Variants in MEOX1 observed in about 807,000 individuals in gnomAD.
MEOX1 encodes mesenchyme homeobox 1.
A neutral mutation model predicts 23.2 loss-of-function variants in MEOX1; 17 were observed. The ratio of observed to expected loss-of-function variants is 0.73; its 90% CI spans 0.50 to 1.10. The LOEUF (loss-of-function observed/expected upper bound fraction) is 1.10, where lower values mean the gene tolerates loss of function less well. MEOX1 is among the 50% of genes least tolerant of loss of function. The pLI, the probability that MEOX1 is intolerant of heterozygous loss-of-function variation, is 0.00. For synonymous variants in MEOX1, 134 were observed against 135.1 expected (o/e 0.99, Z 0.06); for missense variants, 333 against 332.2 (o/e 1.00, Z -0.02).
chr17:43,660,346 C>T (rs1199565340), intron 1 of MEOX1, among the ~76,000 whole-genome samples: 1 of 152,232 alleles, frequency 6.6e-6, no homozygotes, highest in African/African-American at 2.4e-5. Context: ...CTGACTCTCT[C>T]AGAGGCTGCC....
Position 43,641,110 on chromosome 17 carries a change from A to T in MEOX1, c.*800T>A, listed in dbSNP as rs1015900505. The T allele has an allele frequency of 6.6e-6, 1 of 152,156 alleles. No individual in the cohort carries two copies. The highest frequency in any genetic ancestry group is 2.4e-5 in the African/African-American group (1 of 41,428). 9.4% of individuals were successfully genotyped at this position (152,156 alleles called of 1,614,324 possible). A position where few individuals can be genotyped will look rare whatever the true frequency, so the allele number is the denominator to read the frequency against. ...TAGCTGCTCCTTTTCTCTGGAGCACAGCCCAACAGCCCCTGCTGTATCCCT... is the reference window on the plus strand; with the variant it reads ...TAGCTGCTCCTTTTCTCTGGAGCACTGCCCAACAGCCCCTGCTGTATCCCT... On this transcript the variant is annotated 3_prime_UTR_variant, in exon 3 of 3. Transcript: ENST00000318579.
At chr17:43,646,871 C>T (rs544501195) in intron 1 of MEOX1, among the ~76,000 whole-genome samples, 20 of 152,154 alleles carry the variant, frequency 1.3e-4, no homozygotes, top group Non-Finnish European at 2.6e-4. Context: ...CCTGTAATCC[C>T]AGCTACTCGG....
intron 1 of MEOX1, among the ~76,000 whole-genome samples, chr17:43,654,834 C>T (rs1257426884): frequency 3.3e-5 from 5 of 152,012 alleles, no homozygotes; most frequent in African/African-American, 4.8e-5. Context: ...CAGTGGATCA[C>T]GAGGTCAGGA....
At position 43,661,223 on chromosome 17, in the gene MEOX1, C is replaced by T; in HGVS notation, c.312G>A (p.Arg104=). The T allele has an allele frequency of 6.2e-7, 1 of 1,609,240 alleles. No homozygotes were observed. Among genetic ancestry groups the T allele is most frequent in the Non-Finnish European group, 8.5e-7 (1 of 1,177,392 alleles). Residue 104 remains arginine (R), a synonymous_variant, in exon 1 of 3, where the codon AGG becomes AGA. Transcript: ENST00000318579. ...WHFPVSDARR[R]PNSGPAGGSK... The stretch of plus-strand genomic sequence containing the variant: ...AACCCCCTGCCGGGCCTGAGTTGGG[C>T]CTGCGCCGGGCGTCTGAGACAGGGA...
At chr17:43,649,813 C>A (rs991306250) in intron 1 of MEOX1, among the ~76,000 whole-genome samples, 2 of 152,336 alleles carry the variant, frequency 1.3e-5, no homozygotes, top group Admixed American at 1.3e-4. Context: ...CCCTGCATAG[C>A]CCTCACCCTC....
intron 1 of MEOX1, among the ~76,000 whole-genome samples, chr17:43,658,563 C>CA (rs1193211182): frequency 6.7e-6 from 1 of 149,248 alleles, no homozygotes. Context: ...AAAAGTAATG[C>CA]AAAAAATTGA....
chr17:43,643,574 G>C lies in MEOX1; in HGVS notation c.556C>G (p.Leu186Val), dbSNP rs566739870. ...TAFTKEQLRE[L>V]EAEFAHHNYL... is the part of the protein sequence containing the mutation. ...TTATGATGGGCAAACTCTGCCTCCA[G>C]CTCTCGCAGCTGCTCCTTGGTGAAG... The change falls in exon 2 of 3, where the codon CTG becomes GTG. Residue 186 changes from leucine to valine, a missense_variant. Physicochemically the swap from Leu to Val is conservative, Grantham distance 32 (BLOSUM62 1). Transcript: ENST00000318579. 6.2e-7 allele frequency: 1 copy of C among 1,612,772 alleles called. No homozygotes were observed. Among genetic ancestry groups the C allele is most frequent in the Non-Finnish European group, 8.5e-7 (1 of 1,179,606 alleles).
intron 1 of MEOX1, among the ~76,000 whole-genome samples, chr17:43,659,433 A>C (rs2154589045): frequency 6.6e-6 from 1 of 152,178 alleles, no homozygotes; most frequent in East Asian, 1.9e-4. Flanking sequence ...CCCATTGAAG[A>C]AGGGGCTTCT....
rs775637989 is a variant in MEOX1, at chr17:43,661,185, C to T, written c.350G>A (p.Gly117Glu). The T allele has an allele frequency of 6.2e-7, 1 of 1,605,380 alleles. No homozygotes were observed. The highest frequency in any genetic ancestry group is 8.5e-7 in the Non-Finnish European group (1 of 1,175,394). Residue 117 changes from glycine to glutamate, a missense_variant, in exon 1 of 3, where the codon GGG (glycine) becomes GAG (glutamate). Gly to Glu is a moderately conservative substitution (Grantham distance 98). Transcript: ENST00000318579. ...GTCCACCAGGCCCAGGCTGCTGGTC[C>T]CCATTTCCTTGGAACCCCCTGCCGG... ...SGPAGGSKEMGTSSLGLVDTT... is the reference protein window; with the variant it reads ...SGPAGGSKEMETSSLGLVDTT...
rs750330652 is a variant in MEOX1 at position 43,661,141 on chromosome 17, C to T, written c.394G>A (p.Asp132Asn). ...GLVDTTGGPG[D>N]DYGVLGSTAN... ...GTGCTCCCAAGCACCCCGTAGTCAT[C>T]GCCTGGGCCTCCTGTGGTGTCCACC... is the stretch of plus-strand genomic sequence containing the variant. Residue 132 changes from aspartate to asparagine, a missense_variant, in exon 1 of 3, where the codon GAT becomes AAT. Asp to Asn is a conservative substitution (Grantham distance 23). Transcript: ENST00000318579. 3.2e-6 allele frequency: 5 copies of T among 1,546,810 alleles called. No individual in the cohort carries two copies. In the East Asian group the frequency reaches 9.0e-5, roughly 28 times the overall value.
At chr17:43,654,779 G>A (rs1338932303) in intron 1 of MEOX1, among the ~76,000 whole-genome samples, 3 of 152,000 alleles carry the variant, frequency 2.0e-5, no homozygotes, top group Non-Finnish European at 4.4e-5. Context: ...CCAGCCGGGT[G>A]CAGTGACTCA....
chr17:43,654,742 C>T (rs557560864), intron 1 of MEOX1, among the ~76,000 whole-genome samples: 104 of 152,016 alleles, frequency 6.8e-4, no homozygotes, highest in African/African-American at 2.5e-3. Flanking sequence ...TCTAGGTATA[C>T]ACTCAAAAGA....
At chr17:43,649,294 T>TC (rs1200562422) in intron 1 of MEOX1, among the ~76,000 whole-genome samples, 6 of 138,816 alleles carry the variant, frequency 4.3e-5, no homozygotes, top group African/African-American at 1.7e-4. Flanking sequence ...TTTCAGCTTT[T>TC]TTTTTTTTTT....
chr17:43,640,997 C>A lies in MEOX1; in HGVS notation c.*913G>T, dbSNP rs925289394. ...GAATGCAGGGGACACTTTCCAGCCT[C>A]TACGTTGTTTTCAGCTCCTAGTTGT... is the stretch of plus-strand genomic sequence containing the variant. On this transcript the variant is annotated 3_prime_UTR_variant, in exon 3 of 3. Coordinates refer to ENST00000318579, the MANE Select transcript of MEOX1 (RefSeq NM_004527.4). The A allele has an allele frequency of 6.6e-6, 1 of 152,166 alleles. No homozygotes were observed. The highest frequency in any genetic ancestry group is 1.5e-5 in the Non-Finnish European group (1 of 68,034). 9.4% of individuals were successfully genotyped at this position (152,166 alleles called of 1,614,324 possible). A position where few individuals can be genotyped will look rare whatever the true frequency, so the allele number is the denominator to read the frequency against.
At chr17:43,652,932 C>G (rs1353227887) in intron 1 of MEOX1, among the ~76,000 whole-genome samples, 1 of 146,478 alleles carries the variant, frequency 6.8e-6, no homozygotes, top group South Asian at 2.2e-4. Context: ...CCCAGGTTCA[C>G]GCCATTTTCC....
chr17:43,661,588 T>G lies in MEOX1; in HGVS notation c.-54A>C. 9.6e-7 allele frequency: 1 copy of G among 1,041,440 alleles called. No individual in the cohort carries two copies. Among genetic ancestry groups the G allele is most frequent in the Non-Finnish European group, 1.3e-6 (1 of 793,694 alleles). The allele number at this position is 1,041,440 out of a possible 1,614,324, so 64.5% of individuals were successfully genotyped here. On this transcript the variant is annotated 5_prime_UTR_variant, in exon 1 of 3. Transcript: ENST00000318579. ...TCAAAGATTTGATTCTTTATACTTT[T>G]TATGTTCAAATTTTTAAAAATGCAA...
intron 1 of MEOX1, among the ~76,000 whole-genome samples, chr17:43,650,897 C>T (rs1333893857): frequency 6.6e-6 from 1 of 152,192 alleles, no homozygotes; most frequent in African/African-American, 2.4e-5. Context: ...CTGCCCCACC[C>T]CAGTGTCCAG....
In MEOX1 at chr17:43,661,323, G is replaced by A. The variant is rs368605974; in HGVS notation, c.212C>T (p.Pro71Leu). The change falls in exon 1 of 3, where the codon CCA (proline) becomes CTA (leucine). Residue 71 changes from proline to leucine, a missense_variant. Transcript: ENST00000318579. ...GTGCTCCTCCTGGGGCAGGCTGTGT[G>A]GGGTGGCTGCCAGGCAGGAGGCTGA... ...DFSASCLAAT[P>L]HSLPQEEHIF... 14 of 1,613,024 alleles carry A rather than the reference G, an allele frequency of 8.7e-6. No homozygotes were observed. The highest frequency in any genetic ancestry group is 1.2e-5 in the Non-Finnish European group (14 of 1,179,434).
At chr17:43,649,559 G>A (rs139009388) in intron 1 of MEOX1, among the ~76,000 whole-genome samples, 1 of 152,010 alleles carries the variant, frequency 6.6e-6, no homozygotes. Flanking sequence ...CACCTGCCTC[G>A]GCCTCCCAAA....
Sources: allele counts gnomAD v4.1 joint callset (sites outside exome capture counted in the v4.1 genomes callset), GRCh38; gene constraint gnomAD v4.1.1; transcripts MANE v1.5; gene names NCBI Gene and HGNC (gene_info 2026-07-23, HGNC 2026-07-21).